GREB1L: variants seen among roughly 807,000 people sequenced by gnomAD.
GREB1L encodes GREB1 like retinoic acid receptor coactivator.
GREB1L carries 17 observed loss-of-function variants against 200.8 expected under a neutral mutation model. That is an observed-to-expected ratio of 0.08 (90% CI 0.06 to 0.13). The LOEUF (loss-of-function observed/expected upper bound fraction) is 0.13. Among genes scored for constraint, GREB1L ranks in the 10% least tolerant of loss-of-function variants. The pLI is 1.00. For missense variants in GREB1L, 1,657 were observed against 2,367.7 expected, an observed-to-expected ratio of 0.70 and a Z score of 6.23; for synonymous variants, 789 against 893.0, an observed-to-expected ratio of 0.88 and a Z score of 2.08.
At chr18:21,386,366 A>C (rs1276329178) in intron 4 of GREB1L, among the ~76,000 whole-genome samples, 4 of 152,034 alleles carry the variant, frequency 2.6e-5, no homozygotes, top group African/African-American at 9.7e-5. Context: ...ACCTCAGCTC[A>C]CTGCAGCCTC....
intron 4 of GREB1L, among the ~76,000 whole-genome samples, chr18:21,393,641 A>G (rs1332029379): frequency 1.3e-5 from 2 of 152,132 alleles, no homozygotes; most frequent in Non-Finnish European, 2.9e-5. Flanking sequence ...ATGTTAGCCA[A>G]GATGGTCTCG....
intron 1 of GREB1L, among the ~76,000 whole-genome samples, chr18:21,313,177 A>G (rs758772799): frequency 9.9e-5 from 15 of 151,448 alleles, no homozygotes; most frequent in South Asian, 2.1e-4. Context: ...ATTAAAAAAT[A>G]TTAAATATTT....
At chr18:21,299,599 G>C (rs529327550) in intron 1 of GREB1L, among the ~76,000 whole-genome samples, 2 of 150,876 alleles carry the variant, frequency 1.3e-5, no homozygotes, top group African/African-American at 4.9e-5. Context: ...GTAATCCCTG[G>C]CTGTGTTTGT....
chr18:21,401,353 G>A lies in GREB1L; in HGVS notation c.709+27G>A, dbSNP rs1329036771. The A allele has an allele frequency of 2.6e-6, 4 of 1,527,912 alleles. No individual in the cohort carries two copies. In the Admixed American group the frequency reaches 6.0e-5, roughly 23 times the overall value. The allele number at this position is 1,527,912 out of a possible 1,614,324, so 94.6% of individuals were successfully genotyped here. A position where few individuals can be genotyped will look rare whatever the true frequency, so the allele number is the denominator to read the frequency against. ...TAGTCAATTTCCAGGAAGAAAAGGG[G>A]AGGGAATGGAGATTTTACGGTGGTG... On this transcript the variant is annotated intron_variant, in intron 6 of 32. Transcript: ENST00000424526.
At chr18:21,509,436 G>A (rs750572579) in intron 27 of GREB1L, among the ~76,000 whole-genome samples, 2 of 152,242 alleles carry the variant, frequency 1.3e-5, no homozygotes, top group Admixed American at 6.5e-5. Flanking sequence ...TTGAACCCAC[G>A]TGTTTCTTCT....
chr18:21,506,396 A>G (rs2037024064), intron 25 of GREB1L, among the ~76,000 whole-genome samples: 1 of 148,524 alleles, frequency 6.7e-6, no homozygotes, highest in East Asian at 1.9e-4. Flanking sequence ...CTCCGTCTCA[A>G]AAAAAAAAAA....
At chr18:21,244,894 T>C (rs2037570821) in intron 1 of GREB1L, among the ~76,000 whole-genome samples, 1 of 152,234 alleles carries the variant, frequency 6.6e-6, no homozygotes, top group Non-Finnish European at 1.5e-5. Context: ...CTCTTCTTTT[T>C]GGTAAAGTGG....
intron 25 of GREB1L, among the ~76,000 whole-genome samples, chr18:21,507,737 G>A (rs1184494275): frequency 6.6e-6 from 1 of 152,196 alleles, no homozygotes; most frequent in Non-Finnish European, 1.5e-5. Context: ...GACCCGCATA[G>A]AGCAGAAGTG....
intron 15 of GREB1L, among the ~76,000 whole-genome samples, chr18:21,465,173 T>C (rs1220563194): frequency 1.3e-5 from 2 of 152,188 alleles, no homozygotes; most frequent in Non-Finnish European, 2.9e-5. Context: ...TTAACTATAA[T>C]TACCATGTTG....
chr18:21,465,104 G>C (rs1463592013), intron 15 of GREB1L, among the ~76,000 whole-genome samples: 2 of 151,998 alleles, frequency 1.3e-5, no homozygotes, highest in African/African-American at 2.4e-5. Flanking sequence ...ATTTGTTTGT[G>C]GTGAAGAACA....
At chr18:21,431,219 T>C (rs751802617) in intron 7 of GREB1L, among the ~76,000 whole-genome samples, 1 of 151,818 alleles carries the variant, frequency 6.6e-6, no homozygotes, top group Non-Finnish European at 1.5e-5. Flanking sequence ...GAGACAGAGT[T>C]TTGCCACATT....
At chr18:21,287,318 A>G (rs776737169) in intron 1 of GREB1L, among the ~76,000 whole-genome samples, 1 of 152,162 alleles carries the variant, frequency 6.6e-6, no homozygotes, top group African/African-American at 2.4e-5. Context: ...GTAGATGTCA[A>G]ATAATAACTC....
At chr18:21,412,334 G>T (rs900084368) in intron 7 of GREB1L, among the ~76,000 whole-genome samples, 1 of 152,094 alleles carries the variant, frequency 6.6e-6, no homozygotes, top group African/African-American at 2.4e-5. Context: ...GATCTCTTGA[G>T]CCTGGGAGGT....
intron 1 of GREB1L, among the ~76,000 whole-genome samples, chr18:21,358,095 C>A (rs1254745336): frequency 6.6e-6 from 1 of 152,118 alleles, no homozygotes; most frequent in Non-Finnish European, 1.5e-5. Flanking sequence ...TCCATAAACA[C>A]AAGATATCTT....
intron 7 of GREB1L, among the ~76,000 whole-genome samples, chr18:21,426,299 C>T (rs1415600240): frequency 1.4e-4 from 21 of 152,058 alleles, no homozygotes; most frequent in African/African-American, 3.1e-4. Context: ...CCTCGTGATC[C>T]GCCTGCCTCA....
At chr18:21,329,021 A>C (rs372778504) in intron 1 of GREB1L, among the ~76,000 whole-genome samples, 1 of 151,918 alleles carries the variant, frequency 6.6e-6, no homozygotes, top group Non-Finnish European at 1.5e-5. Flanking sequence ...GCACAATTAG[A>C]CTTAAAATAT....
intron 7 of GREB1L, among the ~76,000 whole-genome samples, chr18:21,404,781 A>G (rs1598770692): frequency 6.6e-6 from 1 of 152,236 alleles, no homozygotes; most frequent in African/African-American, 2.4e-5. Context: ...CAAGAAGGAA[A>G]GTATTTTAAA....
chr18:21,253,249 ATTTTTTT>A (rs66924517), intron 1 of GREB1L, among the ~76,000 whole-genome samples: 1 of 127,162 alleles, frequency 7.9e-6, no homozygotes, highest in Non-Finnish European at 1.7e-5. Flanking sequence ...TATTTCAAGA[ATTTTTTT>A]TTTTTTTTTT....
rs377200911 is a variant in GREB1L, at chr18:21,347,718, A to G, written c.-119-18309A>G. The stretch of plus-strand genomic sequence containing the variant: ...GTGATCCACCCATCTCTGCCTCCCA[A>G]AGTGCTAGGATTAGGCGTGAGCCAC... On this transcript the variant is annotated intron_variant, in intron 1 of 32. Transcript: ENST00000424526. Among the ~76,000 whole-genome samples the G allele has an allele frequency of 5.4e-5, 8 of 148,790 alleles. No individual in the cohort carries two copies. In the East Asian group the frequency reaches 1.4e-3, roughly 26 times the overall value.
Sources: allele counts gnomAD v4.1 joint callset (sites outside exome capture counted in the v4.1 genomes callset), GRCh38; gene constraint gnomAD v4.1.1; transcripts MANE v1.5; gene names NCBI Gene and HGNC (gene_info 2026-07-23, HGNC 2026-07-21).